Variants in USP26 observed in about 807,000 individuals in gnomAD.
USP26 encodes ubiquitin carboxyl-terminal hydrolase 26.
For synonymous variants in USP26, 236 were observed against 240.6 expected, an observed-to-expected ratio of 0.98 and a Z score of 0.18; for missense variants, 649 against 642.3, an observed-to-expected ratio of 1.01 and a Z score of -0.11.
intron 5 of USP26, among the ~76,000 whole-genome samples, chrX:133,059,073 C>G (rs1301271697): frequency 4.5e-5 from 5 of 111,305 alleles, no homozygotes; most frequent in Non-Finnish European, 9.4e-5. Flanking sequence ...CTCGGCCTCC[C>G]AAAATGCTGA....
chrX:133,088,862 T>C (rs2067598119), intron 4 of USP26, among the ~76,000 whole-genome samples: 1 of 111,266 alleles, frequency 9.0e-6, no homozygotes, highest in Admixed American at 9.6e-5. Flanking sequence ...TTTTTTCATC[T>C]AGCAAACGAG....
At chrX:133,086,085 C>G (rs929772064) in intron 4 of USP26, among the ~76,000 whole-genome samples, 4 of 111,130 alleles carry the variant, frequency 3.6e-5, no homozygotes, top group Non-Finnish European at 7.5e-5. Context: ...CACCTGTGAC[C>G]GCTTGAAACA....
Position 133,026,786 on chromosome X carries a change from T to C in USP26, c.1435A>G (p.Ile479Val). 1 of 1,211,081 alleles carries C rather than the reference T, an allele frequency of 8.3e-7. No individual in the cohort carries two copies. Among genetic ancestry groups the C allele is most frequent in the Non-Finnish European group, 1.1e-6 (1 of 895,312 alleles). ...PQRIKAHPSS[I>V]QSTFDLFFGA... ...AAAAAAAGATCAAAAGTAGACTGAATAGATGAAGGATGTGCTTTTATTCTT... is the reference window on the plus strand; with the variant it reads ...AAAAAAAGATCAAAAGTAGACTGAACAGATGAAGGATGTGCTTTTATTCTT... Residue 479 changes from isoleucine to valine, a missense_variant, in exon 6 of 6, where the codon ATT (isoleucine) becomes GTT (valine). Ile to Val is a conservative substitution (Grantham distance 29). Transcript: ENST00000511190.
chrX:133,030,410 T>C (rs2213423), intron 5 of USP26, among the ~76,000 whole-genome samples: 1 of 112,083 alleles, frequency 8.9e-6, no homozygotes, highest in Non-Finnish European at 1.9e-5. Context: ...GATCTTCGTG[T>C]TCACTGAGAC....
chrX:133,032,278 GT>G (rs2067380235), intron 5 of USP26, among the ~76,000 whole-genome samples: 1 of 111,773 alleles, frequency 8.9e-6, no homozygotes, highest in Non-Finnish European at 1.9e-5. Flanking sequence ...TATATAGGGG[GT>G]TCTGGGAAGG....
intron 5 of USP26, among the ~76,000 whole-genome samples, chrX:133,062,566 A>C (rs1044720208): frequency 8.9e-6 from 1 of 112,118 alleles, no homozygotes; most frequent in South Asian, 3.8e-4. Flanking sequence ...AGGAAGGAGC[A>C]GGCAGCAATC....
chrX:133,032,039 C>T (rs1179808696), intron 5 of USP26, among the ~76,000 whole-genome samples: 1 of 111,192 alleles, frequency 9.0e-6, no homozygotes. Flanking sequence ...TATCCAGCTA[C>T]TCGGGAGGCT....
rs35417529 is a variant in USP26 at position 133,073,430 on chromosome X, GA to G, written c.-77+10276del. ...GCCCAATGAGTTCTCCAACTTCACA[GA>G]AAATAAGTGCCTAAGAAACTCCCTT... is the stretch of plus-strand genomic sequence containing the variant. On this transcript the variant is annotated intron_variant, in intron 5 of 5. Coordinates refer to ENST00000511190, the MANE Select transcript of USP26 (RefSeq NM_031907.3). Among the ~76,000 whole-genome samples the G allele has an allele frequency of 5.2e-3, 563 of 108,033 alleles. 2 individuals are homozygous for G. The highest frequency in any genetic ancestry group is 0.026 in the East Asian group (89 of 3,396). 93.8% of individuals were successfully genotyped at this position (108,033 alleles called of 115,157 possible).
chrX:133,094,317 G>C (rs1425197190), intron 1 of USP26, among the ~76,000 whole-genome samples: 1 of 110,898 alleles, frequency 9.0e-6, no homozygotes, highest in African/African-American at 3.3e-5. Context: ...GAAGCGAGCA[G>C]AAGATCCAGA....
chrX:133,079,608 G>A (rs2067562749), intron 5 of USP26, among the ~76,000 whole-genome samples: 1 of 111,750 alleles, frequency 8.9e-6, no homozygotes, highest in African/African-American at 3.2e-5. Flanking sequence ...CTCTTCAAGA[G>A]TGCATTTAGA....
At position 133,075,288 on chromosome X, in the gene USP26, G is replaced by C. The variant is rs182100675; in HGVS notation, c.-77+8419C>G. Among the ~76,000 whole-genome samples, 20 of 112,025 alleles carry C rather than the reference G, an allele frequency of 1.8e-4. 1 individual carries two copies. The highest frequency in any genetic ancestry group is 6.5e-4 in the African/African-American group (20 of 30,906). On this transcript the variant is annotated intron_variant, in intron 5 of 5. Transcript: ENST00000511190. Reference sequence around the variant, plus strand: ...GATAGAGTGAATTTAAGTTACTTTTGCCTCTCTAACTAGACTGTGAGGTTC... The same window carrying C: ...GATAGAGTGAATTTAAGTTACTTTTCCCTCTCTAACTAGACTGTGAGGTTC...
intron 5 of USP26, among the ~76,000 whole-genome samples, chrX:133,080,516 A>G (rs1043851297): frequency 2.7e-5 from 3 of 111,418 alleles, no homozygotes; most frequent in Non-Finnish European, 5.6e-5. Context: ...AACATCACTT[A>G]CTTAGAAGTC....
At chrX:133,059,034 G>A (rs1254188444) in intron 5 of USP26, among the ~76,000 whole-genome samples, 3 of 110,132 alleles carry the variant, frequency 2.7e-5, no homozygotes, top group Admixed American at 1.9e-4. Context: ...GGCTGGTCTC[G>A]AACTCCTGAC....
chrX:133,043,742 C>T (rs868245135), intron 5 of USP26, among the ~76,000 whole-genome samples: 14 of 111,290 alleles, frequency 1.3e-4, no homozygotes, highest in African/African-American at 2.9e-4. Context: ...TCCATCTCTA[C>T]GAAAAATAGA....
chrX:133,087,995 T>A (rs748621726), intron 4 of USP26, among the ~76,000 whole-genome samples: 1 of 111,363 alleles, frequency 9.0e-6, no homozygotes, highest in East Asian at 2.8e-4. Context: ...CATAGGGACA[T>A]CCCATTTCAA....
chrX:133,057,214 A>C (rs1255892071), intron 5 of USP26, among the ~76,000 whole-genome samples: 8 of 111,876 alleles, frequency 7.2e-5, no homozygotes, highest in Non-Finnish European at 3.8e-5. Flanking sequence ...CCCTGCATGC[A>C]TTAGGTATAA....
chrX:133,036,267 C>T (rs1166549271), intron 5 of USP26, among the ~76,000 whole-genome samples: 1 of 110,121 alleles, frequency 9.1e-6, no homozygotes, highest in Admixed American at 9.8e-5. Context: ...ATGAACCCAT[C>T]ATCTAGGTTT....
At position 133,073,793 on chromosome X, in the gene USP26, A is replaced by G. The variant is rs12689375; in HGVS notation, c.-77+9914T>C. Among the ~76,000 whole-genome samples the G allele has an allele frequency of 5.3e-3, 592 of 111,607 alleles. 2 individuals are homozygous for G. Among genetic ancestry groups the G allele is most frequent in the East Asian group, 0.027 (94 of 3,529 alleles). On this transcript the variant is annotated intron_variant, in intron 5 of 5. Transcript: ENST00000511190. ...TCATGCAATACATATTAGTTAGTCTAAGTAATAACATTCACCACTTAGTTG... is the reference window on the plus strand; with the variant it reads ...TCATGCAATACATATTAGTTAGTCTGAGTAATAACATTCACCACTTAGTTG...
At chrX:133,045,613 G>A (rs1157166118) in intron 5 of USP26, among the ~76,000 whole-genome samples, 4 of 111,379 alleles carry the variant, frequency 3.6e-5, no homozygotes, top group African/African-American at 9.8e-5. Flanking sequence ...CGGGAGGAAC[G>A]AACAACTCCA....
Sources: allele counts gnomAD v4.1 joint callset (sites outside exome capture counted in the v4.1 genomes callset), GRCh38; gene constraint gnomAD v4.1.1; transcripts MANE v1.5; gene names NCBI Gene and HGNC (gene_info 2026-07-23, HGNC 2026-07-21).